The following KCNIP1 variants were observed in gnomAD, a reference collection of about 807,000 sequenced individuals.
The protein encoded by KCNIP1 is A-type potassium channel modulatory protein KCNIP1.
KCNIP1 carries 18 observed loss-of-function variants against 33.0 expected under a neutral mutation model. The observed-to-expected ratio is 0.55, with a 90% CI of 0.38 to 0.81. KCNIP1 has a LOEUF of 0.81. Among genes scored for constraint, KCNIP1 ranks in the 30% least tolerant of loss-of-function variants. The probability of loss-of-function intolerance (pLI) is 0.00; values close to 1 mark genes in which losing one functional copy is unlikely to be tolerated. For missense variants in KCNIP1, 238 were observed against 271.6 expected (o/e 0.88, Z 0.87); for synonymous variants, 93 against 98.3 (o/e 0.95, Z 0.32).
At chr5:170,418,890 C>T (rs922510272) in intron 1 of KCNIP1, among the ~76,000 whole-genome samples, 1 of 152,206 alleles carries the variant, frequency 6.6e-6, no homozygotes, top group Non-Finnish European at 1.5e-5. Context: ...GTTCATCCTC[C>T]CCAGTCATAT....
intron 1 of KCNIP1, among the ~76,000 whole-genome samples, chr5:170,440,455 G>T (rs12515950): frequency 0.3 from 46,138 of 152,138 alleles, 7,667 homozygotes; most frequent in South Asian, 0.39. Context: ...CCTCCCCAAG[G>T]CCACACAACA....
intron 1 of KCNIP1, among the ~76,000 whole-genome samples, chr5:170,684,626 A>G (rs1762477221): frequency 6.6e-6 from 1 of 152,216 alleles, no homozygotes; most frequent in African/African-American, 2.4e-5. Flanking sequence ...GCTTAGGTCA[A>G]CTTCTCTCTG....
intron 1 of KCNIP1, among the ~76,000 whole-genome samples, chr5:170,550,539 AATG>A (rs1364739995): frequency 3.1e-5 from 4 of 130,934 alleles, no homozygotes; most frequent in South Asian, 2.5e-4. Flanking sequence ...TGATGGTGAT[AATG>A]ATGATGGTGA....
intron 1 of KCNIP1, among the ~76,000 whole-genome samples, chr5:170,441,383 C>G (rs139182837): frequency 2.6e-5 from 4 of 152,308 alleles, no homozygotes; most frequent in African/African-American, 9.6e-5. Context: ...GGCACAGACA[C>G]CTCAGAGCAT....
chr5:170,629,092 G>A (rs1759949914), intron 1 of KCNIP1, among the ~76,000 whole-genome samples: 1 of 152,212 alleles, frequency 6.6e-6, no homozygotes, highest in Non-Finnish European at 1.5e-5. Flanking sequence ...TGGATTTGCT[G>A]TTCAGAAAAC....
intron 1 of KCNIP1, among the ~76,000 whole-genome samples, chr5:170,674,459 T>G (rs998638946): frequency 6.6e-6 from 1 of 152,176 alleles, no homozygotes; most frequent in African/African-American, 2.4e-5. Flanking sequence ...CATGGTGCAG[T>G]CATTAATGAA....
intron 1 of KCNIP1, among the ~76,000 whole-genome samples, chr5:170,469,837 A>G (rs953042572): frequency 6.6e-6 from 1 of 152,032 alleles, no homozygotes; most frequent in Admixed American, 6.6e-5. Context: ...TGATGACCTG[A>G]CTTGATTCAT....
At chr5:170,609,859 AAAAC>A (rs1328860933) in intron 1 of KCNIP1, among the ~76,000 whole-genome samples, 2 of 152,180 alleles carry the variant, frequency 1.3e-5, no homozygotes, top group Admixed American at 6.5e-5. Context: ...CCTGTCTCTA[AAAAC>A]AAACAAACAA....
chr5:170,541,007 T>C (rs1238517303), intron 1 of KCNIP1, among the ~76,000 whole-genome samples: 5 of 152,202 alleles, frequency 3.3e-5, no homozygotes, highest in African/African-American at 1.2e-4. Flanking sequence ...GGTATAGAGA[T>C]AGACAATCTC....
At chr5:170,707,493 C>T (rs1002111497) in intron 1 of KCNIP1, among the ~76,000 whole-genome samples, 5 of 152,230 alleles carry the variant, frequency 3.3e-5, no homozygotes, top group South Asian at 4.1e-4. Context: ...CTGTCACACA[C>T]AAACAGAATT....
chr5:170,603,706 G>A lies in KCNIP1; in HGVS notation c.61+99073G>A, dbSNP rs190332050. ...CAGGGCCACACAAGCAAAGGCAGAG[G>A]TGGGGAGAGAAGAGCCTGCCACACT... On this transcript the variant is annotated intron_variant, in intron 1 of 7. Transcript: ENST00000328939. Among the ~76,000 whole-genome samples, 520 of 152,298 alleles carry A rather than the reference G, an allele frequency of 3.4e-3. 3 individuals carry two copies. Among genetic ancestry groups the A allele is most frequent in the African/African-American group, 0.012 (494 of 41,546 alleles).
intron 1 of KCNIP1, among the ~76,000 whole-genome samples, chr5:170,407,970 G>C (rs1200517559): frequency 6.7e-6 from 1 of 149,080 alleles, no homozygotes; most frequent in African/African-American, 2.4e-5. Context: ...TCTGCTGTGT[G>C]ACTTAAGTCA....
At chr5:170,589,527 A>T (rs1163749362) in intron 1 of KCNIP1, among the ~76,000 whole-genome samples, 1 of 152,178 alleles carries the variant, frequency 6.6e-6, no homozygotes, top group African/African-American at 2.4e-5. Context: ...ACAAGTAAAT[A>T]GAGAAGGTCA....
chr5:170,600,624 G>C (rs1390548975), intron 1 of KCNIP1, among the ~76,000 whole-genome samples: 1 of 152,152 alleles, frequency 6.6e-6, no homozygotes, highest in Non-Finnish European at 1.5e-5. Context: ...TGACTGCCTT[G>C]TCATCTTCTC....
At chr5:170,421,045 G>A (rs755949549) in intron 1 of KCNIP1, among the ~76,000 whole-genome samples, 7 of 152,094 alleles carry the variant, frequency 4.6e-5, no homozygotes, top group Non-Finnish European at 8.8e-5. Context: ...AAACCACCTC[G>A]AAGGAAAGTA....
chr5:170,418,516 C>T (rs1463028996), intron 1 of KCNIP1, among the ~76,000 whole-genome samples: 1 of 152,212 alleles, frequency 6.6e-6, no homozygotes, highest in African/African-American at 2.4e-5. Context: ...TGGCTCCCTG[C>T]TTCCCCCTCA....
At chr5:170,728,524 G>A (rs1050831480) in intron 5 of KCNIP1, among the ~76,000 whole-genome samples, 2 of 152,138 alleles carry the variant, frequency 1.3e-5, no homozygotes, top group African/African-American at 2.4e-5. Flanking sequence ...AAGAAATTGT[G>A]TAGCCAATAT....
chr5:170,522,634 G>A (rs1039502428), intron 1 of KCNIP1, among the ~76,000 whole-genome samples: 6 of 152,192 alleles, frequency 3.9e-5, no homozygotes, highest in African/African-American at 1.4e-4. Context: ...ACCTTGTGAG[G>A]TCTTTGGGAC....
intron 1 of KCNIP1, among the ~76,000 whole-genome samples, chr5:170,400,452 A>C (rs1754873338): frequency 6.6e-6 from 1 of 152,188 alleles, no homozygotes; most frequent in Non-Finnish European, 1.5e-5. Flanking sequence ...GACTTCCCCC[A>C]TGATCCAATC....
Sources: allele counts gnomAD v4.1 joint callset (sites outside exome capture counted in the v4.1 genomes callset), GRCh38; gene constraint gnomAD v4.1.1; transcripts MANE v1.5; gene names NCBI Gene and HGNC (gene_info 2026-07-23, HGNC 2026-07-21).